CTNND2: variants seen among roughly 807,000 people sequenced by gnomAD.
CTNND2 encodes catenin delta-2.
Under a neutral mutation model 144.4 loss-of-function variants are expected in CTNND2, and 22 were observed. The observed-to-expected ratio is 0.15, with a 90% CI of 0.11 to 0.22. CTNND2 has a LOEUF of 0.22. CTNND2 is among the 10% of genes least tolerant of loss of function. The pLI is 1.00. For synonymous variants in CTNND2, 751 were observed against 695.6 expected, an observed-to-expected ratio of 1.08 and a Z score of -1.25; for missense variants, 1,353 against 1,618.8, an observed-to-expected ratio of 0.84 and a Z score of 2.82.
At chr5:11,378,288 T>C (rs182063373) in intron 7 of CTNND2, among the ~76,000 whole-genome samples, 1 of 152,172 alleles carries the variant, frequency 6.6e-6, no homozygotes, top group African/African-American at 2.4e-5. Flanking sequence ...GGGCAGGCAA[T>C]GGGTTCCTAA....
chr5:11,747,270 C>T (rs1204793392), intron 1 of CTNND2, among the ~76,000 whole-genome samples: 1 of 152,156 alleles, frequency 6.6e-6, no homozygotes, highest in Non-Finnish European at 1.5e-5. Flanking sequence ...ACAGACCCAT[C>T]AAACTAACAG....
chr5:11,081,334 A>G (rs969743769), intron 16 of CTNND2, among the ~76,000 whole-genome samples: 23 of 152,154 alleles, frequency 1.5e-4, no homozygotes, highest in Non-Finnish European at 2.9e-5. Context: ...CCCACCAAAG[A>G]TAAGATAATT....
At chr5:11,539,987 T>C (rs1262189570) in intron 3 of CTNND2, among the ~76,000 whole-genome samples, 4 of 152,084 alleles carry the variant, frequency 2.6e-5, no homozygotes, top group Non-Finnish European at 5.9e-5. Context: ...TGAGCTGAGG[T>C]CGCACCACTG....
At chr5:11,329,244 C>T (rs974899106) in intron 9 of CTNND2, among the ~76,000 whole-genome samples, 2 of 152,158 alleles carry the variant, frequency 1.3e-5, no homozygotes, top group African/African-American at 4.8e-5. Flanking sequence ...CAACCTCTAC[C>T]TCCTGGGTTC....
intron 1 of CTNND2, among the ~76,000 whole-genome samples, chr5:11,817,786 T>G (rs1220706988): frequency 6.6e-6 from 1 of 151,898 alleles, no homozygotes; most frequent in Admixed American, 6.6e-5. Context: ...GGGCTCAGAA[T>G]TTATGTTGAA....
chr5:11,081,390 A>G (rs1749556858), intron 16 of CTNND2, among the ~76,000 whole-genome samples: 1 of 152,246 alleles, frequency 6.6e-6, no homozygotes, highest in Admixed American at 6.5e-5. Flanking sequence ...ATCAGTTCAC[A>G]TTGTATGCAT....
chr5:11,810,029 T>C (rs190154518), intron 1 of CTNND2, among the ~76,000 whole-genome samples: 4 of 152,322 alleles, frequency 2.6e-5, no homozygotes, highest in East Asian at 3.9e-4. Flanking sequence ...TTTTTAATTA[T>C]TGAGAAAACC....
intron 3 of CTNND2, among the ~76,000 whole-genome samples, chr5:11,561,384 T>C (rs960906183): frequency 6.6e-6 from 1 of 152,214 alleles, no homozygotes; most frequent in Admixed American, 6.5e-5. Context: ...AGAAATGAGA[T>C]AAGGTACAAA....
At chr5:11,778,330 CG>C (rs1283282764) in intron 1 of CTNND2, among the ~76,000 whole-genome samples, 3 of 151,828 alleles carry the variant, frequency 2.0e-5, no homozygotes, top group African/African-American at 7.3e-5. Flanking sequence ...GGCAGTGGTG[CG>C]GGGAAGAAGA....
chr5:11,380,214 G>C (rs1240784337), intron 7 of CTNND2, among the ~76,000 whole-genome samples: 1 of 152,114 alleles, frequency 6.6e-6, no homozygotes, highest in Non-Finnish European at 1.5e-5. Context: ...TTGAAACCAG[G>C]GGTTATGCCT....
intron 16 of CTNND2, among the ~76,000 whole-genome samples, chr5:11,043,494 G>T (rs905982680): frequency 1.5e-4 from 23 of 152,158 alleles, no homozygotes; most frequent in Admixed American, 5.2e-4. Context: ...GTAACTGTAT[G>T]TTGTAATTGT....
At chr5:11,772,836 G>C (rs1790028108) in intron 1 of CTNND2, among the ~76,000 whole-genome samples, 1 of 152,182 alleles carries the variant, frequency 6.6e-6, no homozygotes. Context: ...GATGTTCTAT[G>C]AATACATCTT....
intron 12 of CTNND2, among the ~76,000 whole-genome samples, chr5:11,130,930 T>C (rs1394270808): frequency 6.6e-6 from 1 of 152,142 alleles, no homozygotes; most frequent in Non-Finnish European, 1.5e-5. Flanking sequence ...TTCTGGCACC[T>C]TGACTTCCCA....
At chr5:11,786,962 G>A (rs1046568840) in intron 1 of CTNND2, among the ~76,000 whole-genome samples, 1 of 152,228 alleles carries the variant, frequency 6.6e-6, no homozygotes, top group African/African-American at 2.4e-5. Context: ...CTTGGCCTCC[G>A]CAAACATGCA....
intron 10 of CTNND2, among the ~76,000 whole-genome samples, chr5:11,228,724 C>T (rs909765449): frequency 6.6e-6 from 1 of 152,052 alleles, no homozygotes; most frequent in Non-Finnish European, 1.5e-5. Context: ...AAGCAATCCT[C>T]CCACCTCAGC....
chr5:11,763,731 C>T (rs939126830), intron 1 of CTNND2, among the ~76,000 whole-genome samples: 4 of 152,122 alleles, frequency 2.6e-5, no homozygotes, highest in South Asian at 2.1e-4. Flanking sequence ...GCACTTTTAG[C>T]GTCAAAAATG....
At chr5:11,511,556 T>A (rs976325616) in intron 3 of CTNND2, among the ~76,000 whole-genome samples, 12 of 152,208 alleles carry the variant, frequency 7.9e-5, no homozygotes, top group African/African-American at 2.9e-4. Context: ...TGGGGACATA[T>A]GGTGGATGTA....
At chr5:11,353,288 G>C (rs1755517835) in intron 8 of CTNND2, among the ~76,000 whole-genome samples, 1 of 152,052 alleles carries the variant, frequency 6.6e-6, no homozygotes, top group Non-Finnish European at 1.5e-5. Flanking sequence ...CAGGACGGTG[G>C]GCAGGACTGG....
chr5:11,836,710 A>C (rs1187518814), intron 1 of CTNND2, among the ~76,000 whole-genome samples: 1 of 152,254 alleles, frequency 6.6e-6, no homozygotes, highest in East Asian at 1.9e-4. Flanking sequence ...CCATAAAAGC[A>C]CAAAATTATT....
Sources: gnomAD v4.1 joint callset for allele counts (sites outside exome capture counted in the v4.1 genomes callset) on GRCh38, gnomAD v4.1.1 for gene constraint, MANE v1.5 for transcripts, NCBI Gene and HGNC (gene_info 2026-07-23, HGNC 2026-07-21) for gene names.